The following RORB variants were observed in gnomAD, a reference collection of about 807,000 sequenced individuals.
The protein encoded by RORB is nuclear receptor ROR-beta.
Under a neutral mutation model 59.1 loss-of-function variants are expected in RORB, and 6 were observed. The observed-to-expected ratio is 0.10, with a 90% confidence interval of 0.06 to 0.20. The LOEUF (loss-of-function observed/expected upper bound fraction) is 0.20, where lower values mean the gene tolerates loss of function less well. Among genes scored for constraint, RORB ranks in the 10% least tolerant of loss-of-function variants. The pLI is 1.00. For synonymous variants in RORB, 215 were observed against 204.5 expected (o/e 1.05, Z -0.44); for missense variants, 320 against 560.5 (o/e 0.57, Z 4.33).
In RORB at chr9:74,657,098, T is replaced by G. The variant is rs374605077; in HGVS notation, c.638-3519T>G. On this transcript the variant is annotated intron_variant, in intron 4 of 9. Transcript: ENST00000376896. ...GTCACGCTCTGTCACCAGGCTGCAG[T>G]GCAGTGGCCCGATCTCAGCTCACTG... is the stretch of plus-strand genomic sequence containing the variant. 3.9e-4 allele frequency among the ~76,000 whole-genome samples: 59 copies of G among 152,360 alleles called. 2 individuals carry two copies. The East Asian group carries it at 5.2e-3, about 13-fold the overall frequency.
intron 1 of RORB, among the ~76,000 whole-genome samples, chr9:74,558,158 C>T (rs113837210): frequency 2.8e-4 from 43 of 152,142 alleles, no homozygotes; most frequent in African/African-American, 1.0e-3. Context: ...ATACTGTGAA[C>T]ATCTTGATTA....
chr9:74,615,372 C>A (rs1459760991), intron 1 of RORB, among the ~76,000 whole-genome samples: 1 of 152,136 alleles, frequency 6.6e-6, no homozygotes, highest in Non-Finnish European at 1.5e-5. Flanking sequence ...GAATAAGTAG[C>A]ATCAAAAAGA....
chr9:74,544,056 T>C (rs759678113), intron 1 of RORB, among the ~76,000 whole-genome samples: 21 of 152,182 alleles, frequency 1.4e-4, no homozygotes, highest in South Asian at 4.1e-4. Context: ...CTCTCTTTGG[T>C]GGAGGAGAGC....
At chr9:74,511,877 A>G (rs937779857) in intron 1 of RORB, among the ~76,000 whole-genome samples, 1 of 151,678 alleles carries the variant, frequency 6.6e-6, no homozygotes, top group Non-Finnish European at 1.5e-5. Context: ...TGGAAGATAC[A>G]CAGGTGAATA....
intron 1 of RORB, among the ~76,000 whole-genome samples, chr9:74,516,809 A>T (rs978788093): frequency 3.3e-5 from 5 of 151,960 alleles, no homozygotes; most frequent in African/African-American, 1.2e-4. Flanking sequence ...TTTTTTCCTT[A>T]TATTTATTTA....
At chr9:74,618,949 A>G (rs994902291) in intron 1 of RORB, among the ~76,000 whole-genome samples, 7 of 152,206 alleles carry the variant, frequency 4.6e-5, no homozygotes, top group Admixed American at 1.3e-4. Flanking sequence ...TGGTTGAACT[A>G]TATGAAATTG....
At chr9:74,536,245 G>T (rs1329171999) in intron 1 of RORB, among the ~76,000 whole-genome samples, 1 of 151,802 alleles carries the variant, frequency 6.6e-6, no homozygotes, top group Non-Finnish European at 1.5e-5. Context: ...AAAGGGCGGG[G>T]GCTAAAATAC....
intron 1 of RORB, among the ~76,000 whole-genome samples, chr9:74,515,951 G>A (rs1826002975): frequency 8.6e-5 from 13 of 152,008 alleles, no homozygotes; most frequent in Admixed American, 8.5e-4. Context: ...AAAATCATGT[G>A]TGTGCACCAC....
intron 1 of RORB, among the ~76,000 whole-genome samples, chr9:74,500,557 T>C (rs2118009750): frequency 6.6e-6 from 1 of 152,162 alleles, no homozygotes; most frequent in Non-Finnish European, 1.5e-5. Flanking sequence ...ACGCGCGCGC[T>C]TTCCATTCCC....
chr9:74,619,546 G>A (rs192204524), intron 1 of RORB, among the ~76,000 whole-genome samples: 2 of 152,264 alleles, frequency 1.3e-5, no homozygotes, highest in African/African-American at 4.8e-5. Flanking sequence ...CTGCCTCCCA[G>A]GTTCAAGCGA....
intron 4 of RORB, among the ~76,000 whole-genome samples, chr9:74,655,381 ACTT>A (rs1264635003): frequency 2.6e-5 from 4 of 152,150 alleles, no homozygotes; most frequent in East Asian, 1.9e-4. Context: ...GAGCATACTG[ACTT>A]CTTCTTCGAC....
chr9:74,563,184 CTTTT>C (rs766404071), intron 1 of RORB, among the ~76,000 whole-genome samples: 4 of 127,094 alleles, frequency 3.1e-5, no homozygotes, highest in East Asian at 2.3e-4. Context: ...TCTCTTCAGT[CTTTT>C]TTTTTTTTTT....
intron 6 of RORB, among the ~76,000 whole-genome samples, chr9:74,665,061 C>T (rs1487789340): frequency 6.6e-6 from 1 of 152,188 alleles, no homozygotes; most frequent in Non-Finnish European, 1.5e-5. Flanking sequence ...TTTCTGCCCT[C>T]ATTTCCTCAA....
At chr9:74,498,080 G>C (rs771423357) in intron 1 of RORB, 97 bp downstream of exon 1, 4 of 1,417,818 alleles carry the variant, frequency 2.8e-6, no homozygotes, top group African/African-American at 1.4e-5. Flanking sequence ...GAAAGGGAAA[G>C]AGGTTGCCCA....
At chr9:74,679,404 A>T (rs997726424) in intron 9 of RORB, among the ~76,000 whole-genome samples, 1 of 152,234 alleles carries the variant, frequency 6.6e-6, no homozygotes, top group Non-Finnish European at 1.5e-5. Context: ...TGGCATCCCC[A>T]AAGCTTCCCT....
In RORB at chr9:74,576,634, C is replaced by A. The variant is rs188082806; in HGVS notation, c.8-53648C>A. Among the ~76,000 whole-genome samples, 49 of 152,180 alleles carry A rather than the reference C, an allele frequency of 3.2e-4. No individual in the cohort carries two copies. The East Asian group carries it at 8.5e-3, about 26-fold the overall frequency. ...GAAAAGTATCCATCAATCTGTATAGCTTCATTTTAAAATGAAATTTTTAAT... is the reference window on the plus strand; with the variant it reads ...GAAAAGTATCCATCAATCTGTATAGATTCATTTTAAAATGAAATTTTTAAT... On this transcript the variant is annotated intron_variant, in intron 1 of 9. Transcript: ENST00000376896.
intron 1 of RORB, among the ~76,000 whole-genome samples, chr9:74,586,050 T>C (rs1280992073): frequency 1.3e-5 from 2 of 151,938 alleles, no homozygotes; most frequent in East Asian, 1.9e-4. Flanking sequence ...CGCCTCGACC[T>C]CCCAAAGTGC....
chr9:74,585,922 G>C (rs1440404361), intron 1 of RORB, among the ~76,000 whole-genome samples: 3 of 151,858 alleles, frequency 2.0e-5, no homozygotes, highest in African/African-American at 7.3e-5. Context: ...AGCCTCCCGA[G>C]TAGCTGGGAC....
At chr9:74,508,187 C>T (rs1468823491) in intron 1 of RORB, among the ~76,000 whole-genome samples, 3 of 151,784 alleles carry the variant, frequency 2.0e-5, no homozygotes, top group South Asian at 4.1e-4. Context: ...AAGTTAAGTA[C>T]CAAAGGAAAA....
Sources: allele counts gnomAD v4.1 joint callset (sites outside exome capture counted in the v4.1 genomes callset), GRCh38; gene constraint gnomAD v4.1.1; transcripts MANE v1.5; gene names NCBI Gene and HGNC (gene_info 2026-07-23, HGNC 2026-07-21).